The following GCLC variants were observed in gnomAD, a reference collection of about 807,000 sequenced individuals.
The protein encoded by GCLC is glutamate--cysteine ligase catalytic subunit.
Under a neutral mutation model 81.5 loss-of-function variants are expected in GCLC, and 30 were observed. That is an observed-to-expected ratio of 0.37 (90% CI 0.28 to 0.50). The LOEUF (loss-of-function observed/expected upper bound fraction) is 0.50. GCLC is among the 20% of genes least tolerant of loss of function. The pLI is 0.96. For synonymous variants in GCLC, 262 were observed against 273.3 expected (o/e 0.96, Z 0.41); for missense variants, 556 against 777.4 (o/e 0.72, Z 3.39).
At chr6:53,503,210 T>C (rs1764546384) in intron 12 of GCLC, 1 of 152,228 alleles carries the variant, frequency 6.6e-6, no homozygotes, top group African/African-American at 2.4e-5. Context: ...GCTAGTTAGC[T>C]CCTTCCACCA....
intron 3 of GCLC, among the ~76,000 whole-genome samples, chr6:53,520,325 A>T (rs1762969163): frequency 6.6e-6 from 1 of 152,248 alleles, no homozygotes; most frequent in Admixed American, 6.5e-5. Context: ...AGATCCTCTG[A>T]TCTGCCACTG....
intron 1 of GCLC, among the ~76,000 whole-genome samples, chr6:53,532,805 G>A (rs142285869): frequency 1.3e-5 from 2 of 152,236 alleles, no homozygotes; most frequent in East Asian, 3.9e-4. Context: ...GGGTCTGTAA[G>A]AGCATTTATG....
intron 1 of GCLC, among the ~76,000 whole-genome samples, chr6:53,536,075 T>G (rs371694350): frequency 6.6e-6 from 1 of 152,188 alleles, no homozygotes; most frequent in Non-Finnish European, 1.5e-5. Flanking sequence ...GGTATAACCA[T>G]GGAATGAAAT....
In GCLC at chr6:53,544,810, C is replaced by G. The variant is rs1412989397; in HGVS notation, c.-165G>C. The G allele has an allele frequency of 5.2e-6, 3 of 580,350 alleles. No individual in the cohort carries two copies. The highest frequency in any genetic ancestry group is 8.1e-6 in the Non-Finnish European group (3 of 369,692). The allele number at this position is 580,350 out of a possible 1,614,324, so 36.0% of individuals were successfully genotyped here. ...GGGAGGGTCCTGCCCGCTCCGGCTC[C>G]CCGGCGGCGGCCCCTGGCGCCCAGG... On this transcript the variant is annotated 5_prime_UTR_variant, in exon 1 of 16. Transcript: ENST00000650454.
intron 3 of GCLC, among the ~76,000 whole-genome samples, chr6:53,520,491 C>G (rs1377114329): frequency 6.6e-6 from 1 of 152,190 alleles, no homozygotes; most frequent in African/African-American, 2.4e-5. Context: ...CCCTCGCCTG[C>G]GGCAGACACG....
intron 3 of GCLC, among the ~76,000 whole-genome samples, chr6:53,520,018 G>C (rs1220298848): frequency 6.6e-6 from 1 of 152,130 alleles, no homozygotes; most frequent in African/African-American, 2.4e-5. Context: ...GAGCTCCTTT[G>C]AACTTTGAGG....
intron 8 of GCLC, 23 bp downstream of exon 8, chr6:53,508,572 T>C (rs1343259850): frequency 2.2e-6 from 3 of 1,341,304 alleles, no homozygotes; most frequent in Non-Finnish European, 3.2e-6. Context: ...TTAAAAGGGC[T>C]ATTAAGGAAA....
At chr6:53,519,246 C>T (rs571822562) in intron 3 of GCLC, among the ~76,000 whole-genome samples, 1 of 152,238 alleles carries the variant, frequency 6.6e-6, no homozygotes, top group Non-Finnish European at 1.5e-5. Flanking sequence ...CATACCTGCA[C>T]TTCCTCCTCA....
chr6:53,506,875 CA>C lies in GCLC; in HGVS notation c.1197+37del, dbSNP rs1352352989. The C allele has an allele frequency of 9.4e-7, 1 of 1,060,596 alleles. No individual in the cohort carries two copies. Among genetic ancestry groups the C allele is most frequent in the Non-Finnish European group, 1.5e-6 (1 of 682,330 alleles). 65.7% of individuals were successfully genotyped at this position (1,060,596 alleles called of 1,614,324 possible). ...CAGAGGATTCCAGACTCTCAGAAGT[CA>C]ATACATAAATAAATAAAAATAAAAC... is the stretch of plus-strand genomic sequence containing the variant. On this transcript the variant is annotated intron_variant, in intron 10 of 15. Transcript: ENST00000650454. This position sits in a 1 kb window ranked among gnomAD's most constrained non-coding sequence, Gnocchi z 4.0.
chr6:53,508,169 G>A (rs1764652479), intron 8 of GCLC, among the ~76,000 whole-genome samples: 1 of 152,160 alleles, frequency 6.6e-6, no homozygotes, highest in Admixed American at 6.5e-5. Context: ...TGGTTCTGAT[G>A]CACACCCCTT....
chr6:53,544,458 A>G (rs910125147), intron 1 of GCLC, 38 bp downstream of exon 1: 2 of 1,599,686 alleles, frequency 1.3e-6, no homozygotes, highest in Non-Finnish European at 1.7e-6. Context: ...GCGGCCAGAC[A>G]CGGGTGCCCG....
chr6:53,542,079 A>G (rs548477293), intron 1 of GCLC, among the ~76,000 whole-genome samples: 18 of 151,928 alleles, frequency 1.2e-4, no homozygotes, highest in Admixed American at 7.2e-4. Context: ...CTGGCCTTCA[A>G]CTCCTGGGCT....
intron 12 of GCLC, among the ~76,000 whole-genome samples, chr6:53,502,889 G>A (rs559438358): frequency 9.2e-5 from 14 of 152,098 alleles, no homozygotes; most frequent in African/African-American, 2.7e-4. Flanking sequence ...CCACCCTTTC[G>A]CCAGCAAGTT....
At chr6:53,544,444 G>A in intron 1 of GCLC, 52 bp downstream of exon 1, 2 of 1,585,858 alleles carry the variant, frequency 1.3e-6, no homozygotes, top group Non-Finnish European at 1.7e-6. Flanking sequence ...CAAAGGCAGC[G>A]CGGGCGGCCA....
In GCLC at chr6:53,500,326, C is replaced by T. The variant is rs142824575; in HGVS notation, c.1502G>A (p.Cys501Tyr). The T allele has an allele frequency of 1.2e-6, 2 of 1,614,080 alleles. No individual in the cohort carries two copies. Among genetic ancestry groups the T allele is most frequent in the Non-Finnish European group, 1.7e-6 (2 of 1,180,026 alleles). Residue 501 changes from cysteine to tyrosine, a missense_variant, in exon 14 of 16, where the codon TGT (cysteine) becomes TAT (tyrosine). Physicochemically the swap from Cys to Tyr is radical, Grantham distance 194 (BLOSUM62 -2). This residue lies in a region of GCLC where 313 missense variants were observed against 437.3 expected (regional missense o/e 0.72). Transcript: ENST00000650454. ...CKGGNAVVDG[C>Y]GKAQNSTELA... ...CTCCGTGCTGTTCTGGGCCTTGCCA[C>T]AACCATCCACCACTGCATTGCCACC...
At chr6:53,512,719 A>G (rs1320388067) in intron 6 of GCLC, among the ~76,000 whole-genome samples, 2 of 152,202 alleles carry the variant, frequency 1.3e-5, no homozygotes, top group African/African-American at 2.4e-5. Context: ...AGCAACAAAA[A>G]TATTTATCAT....
chr6:53,529,100 A>T (rs1440326079), intron 1 of GCLC, among the ~76,000 whole-genome samples: 1 of 152,092 alleles, frequency 6.6e-6, no homozygotes, highest in Non-Finnish European at 1.5e-5. Flanking sequence ...TCAGTTTCCT[A>T]CTCCCTAATG....
chr6:53,537,288 T>C (rs535890543), intron 1 of GCLC, among the ~76,000 whole-genome samples: 2 of 152,166 alleles, frequency 1.3e-5, no homozygotes, highest in Non-Finnish European at 2.9e-5. Context: ...TGGGTAGGGG[T>C]TAACGGACAA....
At chr6:53,514,372 AG>A (rs1764821186) in intron 5 of GCLC, 35 bp from the exon 6 acceptor site, 1 of 1,591,044 alleles carries the variant, frequency 6.3e-7, no homozygotes, top group South Asian at 1.1e-5. Flanking sequence ...AAAATGGTTT[AG>A]AATCCAGGAT....
Sources: allele counts gnomAD v4.1 joint callset (sites outside exome capture counted in the v4.1 genomes callset), GRCh38; gene constraint gnomAD v4.1.1; regional missense constraint gnomAD v4.1.1; non-coding constraint Gnocchi (gnomAD v3.1); transcripts MANE v1.5; gene names NCBI Gene and HGNC (gene_info 2026-07-23, HGNC 2026-07-21).